Variants in CAPN2 observed in about 807,000 individuals in gnomAD.
CAPN2 encodes calpain-2 catalytic subunit.
Under a neutral mutation model 102.3 loss-of-function variants are expected in CAPN2, and 92 were observed. The ratio of observed to expected loss-of-function variants is 0.90; its 90% CI spans 0.76 to 1.07. CAPN2 has a LOEUF of 1.07. CAPN2 is among the 50% of genes least tolerant of loss of function. The pLI, the probability that CAPN2 is intolerant of heterozygous loss-of-function variation, is 0.00. For synonymous variants in CAPN2, 340 were observed against 355.4 expected (o/e 0.96, Z 0.49); for missense variants, 800 against 909.4 (o/e 0.88, Z 1.55).
Position 223,731,024 on chromosome 1 carries a change from A to G in CAPN2, c.308-13076A>G, listed in dbSNP as rs1313538195. Among the ~76,000 whole-genome samples the G allele has an allele frequency of 6.6e-6, 1 of 152,138 alleles. No homozygotes were observed. Among genetic ancestry groups the G allele is most frequent in the Non-Finnish European group, 1.5e-5 (1 of 68,032 alleles). ...GTAGTGGAGGCAAATTATTAAATGG[A>G]TGGATTAATTCCAAGTTCAGATCAT... On this transcript the variant is annotated intron_variant, in intron 2 of 20. Transcript: ENST00000295006. The surrounding 1 kb of genome is among the most constrained non-coding windows in gnomAD (Gnocchi z 4.2).
chr1:223,757,845 GT>G (rs35617793), intron 11 of CAPN2: 5,475 of 142,296 alleles, frequency 0.038, 237 homozygotes, highest in East Asian at 0.12. Context: ...TCAGGGTTTT[GT>G]TTTTTTTTTT....
At chr1:223,730,652 T>C (rs1298419078) in intron 2 of CAPN2, among the ~76,000 whole-genome samples, 2 of 152,214 alleles carry the variant, frequency 1.3e-5, no homozygotes, top group Non-Finnish European at 2.9e-5. Flanking sequence ...TTAAGATCTC[T>C]GTTTTCAGTT....
chr1:223,722,281 C>CTTTTTTTTTTTTTTT (rs34894876), intron 2 of CAPN2, among the ~76,000 whole-genome samples: 36 of 85,504 alleles, frequency 4.2e-4, no homozygotes, highest in African/African-American at 9.9e-4. Flanking sequence ...TTCTTTCTTT[C>CTTTTTTTTTTTTTTT]TTTTTTTTTT....
intron 7 of CAPN2, 29 bp downstream of exon 7, chr1:223,751,004 A>C: frequency 2.0e-6 from 3 of 1,523,680 alleles, no homozygotes; most frequent in South Asian, 1.2e-5. Context: ...TCGGGGCCCC[A>C]GGCGGGGGTG....
chr1:223,768,127 C>T (rs1311863418), intron 16 of CAPN2, among the ~76,000 whole-genome samples: 2 of 151,614 alleles, frequency 1.3e-5, no homozygotes, highest in African/African-American at 2.4e-5. Context: ...AAATTTTCTC[C>T]CATTTTGTAG....
At chr1:223,747,285 A>G (rs1256709186) in intron 5 of CAPN2, 120 bp downstream of exon 5, 3 of 967,058 alleles carry the variant, frequency 3.1e-6, no homozygotes, top group Non-Finnish European at 4.4e-6. Flanking sequence ...TCGTCCACGT[A>G]GGGGCCAAAG....
chr1:223,747,482 G>A (rs182026068), intron 5 of CAPN2, among the ~76,000 whole-genome samples: 112 of 152,294 alleles, frequency 7.4e-4, no homozygotes, highest in Middle Eastern at 6.8e-3. Flanking sequence ...GGGGAGGTGC[G>A]GATGATTTTA....
intron 5 of CAPN2, 117 bp downstream of exon 5, chr1:223,747,282 C>T (rs371172069): frequency 5.9e-6 from 6 of 1,008,516 alleles, no homozygotes; most frequent in Admixed American, 2.7e-5. Context: ...CCCTCGTCCA[C>T]GTAGGGGCCA....
chr1:223,759,572 G>C lies in CAPN2; in HGVS notation c.1529+91G>C. The C allele has an allele frequency of 2.0e-6, 2 of 1,020,630 alleles. No homozygotes were observed. Among genetic ancestry groups the C allele is most frequent in the Non-Finnish European group, 2.9e-6 (2 of 685,146 alleles). The allele number at this position is 1,020,630 out of a possible 1,614,324, so 63.2% of individuals were successfully genotyped here. The stretch of plus-strand genomic sequence containing the variant: ...CCCCTAGAGGGCTCTTTCATCCTCT[G>C]AATGTCAGTTACTTTTTCTGTAACA... On this transcript the variant is annotated intron_variant, in intron 12 of 20. Coordinates refer to ENST00000295006, the MANE Select transcript of CAPN2 (RefSeq NM_001748.5). This position sits in a 1 kb window ranked among gnomAD's most constrained non-coding sequence, Gnocchi z 4.6.
At chr1:223,703,718 A>ACTTACCC (rs1659536683) in intron 1 of CAPN2, among the ~76,000 whole-genome samples, 1 of 152,074 alleles carries the variant, frequency 6.6e-6, no homozygotes, top group Admixed American at 6.5e-5. Context: ...GTTACACAGG[A>ACTTACCC]CTTACCCCCA....
Position 223,749,059 on chromosome 1 carries a change from G to A in CAPN2, c.750G>A (p.Ser250=), listed in dbSNP as rs1282908123. Residue 250 remains serine, a synonymous_variant, in exon 6 of 21, where the codon TCG becomes TCA. Transcript: ENST00000295006. ...TGCAGATCACCAGCGCCGCGGACTC[G>A]GAGGCCATCACGTTTCAGAAGCTGG... ...CSIDITSAAD[S]EAITFQKLVK... 6 of 1,613,980 alleles carry A rather than the reference G, an allele frequency of 3.7e-6. No homozygotes were observed. The highest frequency in any genetic ancestry group is 5.1e-6 in the Non-Finnish European group (6 of 1,179,954).
At chr1:223,737,721 G>GGGGTA (rs146144248) in intron 2 of CAPN2, among the ~76,000 whole-genome samples, 15 of 70,212 alleles carry the variant, frequency 2.1e-4, no homozygotes, top group East Asian at 6.4e-4. Flanking sequence ...GGGTGGGGGG[G>GGGGTA]AGAGAATACA....
intron 3 of CAPN2, among the ~76,000 whole-genome samples, 186 bp downstream of exon 3, chr1:223,744,404 G>T (rs997634544): frequency 1.3e-5 from 2 of 152,140 alleles, no homozygotes; most frequent in East Asian, 3.8e-4. Flanking sequence ...GTGAGACCCG[G>T]CTGGGATGGC....
intron 20 of CAPN2, chr1:223,772,555 A>G: frequency 3.1e-6 from 1 of 321,200 alleles, no homozygotes; most frequent in East Asian, 5.1e-5. Context: ...TTAGCATGCA[A>G]GGGAGAACAT....
intron 1 of CAPN2, among the ~76,000 whole-genome samples, chr1:223,713,589 C>T (rs1179573464): frequency 6.6e-6 from 1 of 152,178 alleles, no homozygotes; most frequent in Non-Finnish European, 1.5e-5. Context: ...CCCCAATCTA[C>T]TTGTCCATTC....
At chr1:223,766,786 C>T (rs888931118) in intron 16 of CAPN2, among the ~76,000 whole-genome samples, 1 of 152,140 alleles carries the variant, frequency 6.6e-6, no homozygotes, top group Non-Finnish European at 1.5e-5. Flanking sequence ...ATGGTGAAAC[C>T]TTGTCTCTAC....
chr1:223,715,299 A>T (rs1414727798), intron 1 of CAPN2, among the ~76,000 whole-genome samples: 1 of 152,208 alleles, frequency 6.6e-6, no homozygotes, highest in Non-Finnish European at 1.5e-5. Flanking sequence ...TGATCAACTT[A>T]TTTAAGAAGG....
intron 9 of CAPN2, among the ~76,000 whole-genome samples, chr1:223,753,352 G>A (rs1288350104): frequency 1.3e-5 from 2 of 152,212 alleles, no homozygotes; most frequent in African/African-American, 4.8e-5. Context: ...GAGCCTACAA[G>A]GGAACCTTGT....
At position 223,761,585 on chromosome 1, in the gene CAPN2, G is replaced by C; in HGVS notation, c.1534G>C (p.Val512Leu). The C allele has an allele frequency of 3.7e-6, 6 of 1,612,506 alleles. No individual in the cohort carries two copies. Among genetic ancestry groups the C allele is most frequent in the Non-Finnish European group, 5.1e-6 (6 of 1,178,902 alleles). ...FSEKKADYQAVDDEIEANLEE... is the reference protein window; with the variant it reads ...FSEKKADYQALDDEIEANLEE... ...ATAATTTCCTTCTATTTCCAGAGCT[G>C]TCGATGATGAAATCGAGGCCAATCT... The change falls in exon 13 of 21, where the codon GTC (valine) becomes CTC (leucine). Residue 512 changes from valine (V) to leucine (L), a missense_variant. Physicochemically the swap from Val to Leu is conservative, Grantham distance 32. Transcript: ENST00000295006.
Sources: gnomAD v4.1 joint callset for allele counts (sites outside exome capture counted in the v4.1 genomes callset) on GRCh38, gnomAD v4.1.1 for gene constraint, Gnocchi (gnomAD v3.1) non-coding constraint, MANE v1.5 for transcripts, NCBI Gene and HGNC (gene_info 2026-07-23, HGNC 2026-07-21) for gene names.